The following SASH1 variants were observed in gnomAD, a reference collection of about 807,000 sequenced individuals.
SASH1 encodes the protein SAM and SH3 domain-containing protein 1.
Under a neutral mutation model 125.2 loss-of-function variants are expected in SASH1, and 44 were observed. The ratio of observed to expected loss-of-function variants is 0.35; its 90% CI spans 0.28 to 0.45. The LOEUF is 0.45. Among genes scored for constraint, SASH1 ranks in the 20% least tolerant of loss-of-function variants. SASH1 has a pLI of 1.00. For missense variants in SASH1, 1,426 were observed against 1,614.5 expected (o/e 0.88, Z 2.00); for synonymous variants, 639 against 649.1 (o/e 0.98, Z 0.24).
the SASH1 span, among the ~76,000 whole-genome samples, chr6:148,208,031 A>G: frequency 6.6e-6 from 1 of 152,212 alleles, no homozygotes; most frequent in African/African-American, 2.4e-5. Context: ...TTTGTGGAGC[A>G]CACACGTGGA....
chr6:148,448,115 A>AGAGT (rs374141600), intron 4 of SASH1, among the ~76,000 whole-genome samples: 95 of 146,918 alleles, frequency 6.5e-4, no homozygotes, highest in African/African-American at 2.2e-3. Context: ...CAGTGGAGAG[A>AGAGT]GTGTGTGTGT....
chr6:148,334,644 T>A (rs1315461424), intron 1 of SASH1, among the ~76,000 whole-genome samples: 1 of 151,250 alleles, frequency 6.6e-6, no homozygotes, highest in Non-Finnish European at 1.5e-5. Context: ...AAACCCCATC[T>A]CTACTAAAAA....
At chr6:148,528,301 A>G (rs1276982683) in intron 12 of SASH1, among the ~76,000 whole-genome samples, 2 of 152,158 alleles carry the variant, frequency 1.3e-5, no homozygotes, top group African/African-American at 4.8e-5. Flanking sequence ...TCAATTTTCA[A>G]GACACTCTCC....
At chr6:148,444,007 C>G (rs1776670451) in intron 4 of SASH1, among the ~76,000 whole-genome samples, 1 of 152,164 alleles carries the variant, frequency 6.6e-6, no homozygotes, top group Non-Finnish European at 1.5e-5. Flanking sequence ...GAAGTTTTCT[C>G]TGCTTTTTAT....
intron 1 of SASH1, among the ~76,000 whole-genome samples, chr6:148,388,687 C>T (rs1171107800): frequency 6.6e-6 from 1 of 152,204 alleles, no homozygotes; most frequent in Non-Finnish European, 1.5e-5. Flanking sequence ...TTGCTCTGCC[C>T]CAGGCCTGCT....
intron 2 of SASH1, among the ~76,000 whole-genome samples, chr6:148,430,362 C>T (rs750399190): frequency 6.6e-6 from 1 of 152,198 alleles, no homozygotes; most frequent in East Asian, 1.9e-4. Context: ...GTCAGAGTCT[C>T]GCTCTGTCAC....
At chr6:148,298,137 G>A (rs1779812511) in intron 1 of SASH1, among the ~76,000 whole-genome samples, 1 of 151,572 alleles carries the variant, frequency 6.6e-6, no homozygotes, top group South Asian at 2.1e-4. Context: ...CTCCCTAGTA[G>A]CTGGAATTAC....
intron 1 of SASH1, among the ~76,000 whole-genome samples, chr6:148,300,923 T>C (rs1036989624): frequency 6.6e-6 from 1 of 152,178 alleles, no homozygotes; most frequent in Non-Finnish European, 1.5e-5. Context: ...AACCCTTTTT[T>C]ATTAGTAGTC....
chr6:148,508,600 T>A, intron 8 of SASH1: 1 of 1,142,416 alleles, frequency 8.8e-7, no homozygotes, highest in Non-Finnish European at 1.1e-6. Context: ...TCTTGCGAGT[T>A]ATGCAGTTAG....
intron 1 of SASH1, among the ~76,000 whole-genome samples, chr6:148,314,769 CTTT>C (rs34187478): frequency 0.16 from 20,714 of 132,694 alleles, 1,413 homozygotes; most frequent in Middle Eastern, 0.22. Context: ...GTATAAATGA[CTTT>C]TTTTTTTTTT....
chr6:148,304,445 AGAAAAG>A (rs1780065999), intron 1 of SASH1, among the ~76,000 whole-genome samples: 8 of 114,978 alleles, frequency 7.0e-5, no homozygotes, highest in Non-Finnish European at 1.1e-4. Flanking sequence ...AAAAAAAAAA[AGAAAAG>A]AAAAAAAAAA....
chr6:148,330,468 T>C (rs1225866075), intron 1 of SASH1, among the ~76,000 whole-genome samples: 1 of 152,236 alleles, frequency 6.6e-6, no homozygotes. Flanking sequence ...GAAGACAAGA[T>C]TGATAAATCA....
intron 1 of SASH1, among the ~76,000 whole-genome samples, chr6:148,389,840 C>T (rs974750659): frequency 1.3e-5 from 2 of 152,264 alleles, no homozygotes. Context: ...GGCACCAGAC[C>T]GTCCGAGGTT....
chr6:148,465,039 G>T (rs1198275635), intron 4 of SASH1, among the ~76,000 whole-genome samples: 1 of 152,144 alleles, frequency 6.6e-6, no homozygotes, highest in African/African-American at 2.4e-5. Flanking sequence ...ATTAAAAATA[G>T]TGAAAATATT....
intron 4 of SASH1, among the ~76,000 whole-genome samples, chr6:148,467,689 C>A (rs768257903): frequency 3.9e-5 from 6 of 152,154 alleles, no homozygotes; most frequent in Non-Finnish European, 8.8e-5. Context: ...GTAATCCCAG[C>A]ACTTTGGGGG....
intron 10 of SASH1, 38 bp from the exon 11 acceptor site, chr6:148,525,253 A>ATAAC: frequency 6.4e-7 from 1 of 1,566,644 alleles, no homozygotes; most frequent in Non-Finnish European, 8.8e-7. Context: ...TGGCTTAAGC[A>ATAAC]TAACTGAAGT....
At chr6:148,542,433 C>G (rs539489549) in intron 17 of SASH1, among the ~76,000 whole-genome samples, 10 of 152,250 alleles carry the variant, frequency 6.6e-5, no homozygotes, top group African/African-American at 1.7e-4. Flanking sequence ...GTCGCCCAGG[C>G]TGGAGTGCAG....
At chr6:148,443,804 A>G in intron 4 of SASH1, among the ~76,000 whole-genome samples, 1 of 152,206 alleles carries the variant, frequency 6.6e-6, no homozygotes, top group Admixed American at 6.5e-5. Context: ...AATAATTTAT[A>G]CATTGTATTT....
chr6:148,223,578 G>T, the SASH1 span, among the ~76,000 whole-genome samples: 1 of 152,156 alleles, frequency 6.6e-6, no homozygotes, highest in Non-Finnish European at 1.5e-5. Flanking sequence ...GTTCGCTCAT[G>T]TAACCCACCC....
Sources: gnomAD v4.1 joint callset for allele counts (sites outside exome capture counted in the v4.1 genomes callset) on GRCh38, gnomAD v4.1.1 for gene constraint, MANE v1.5 for transcripts, NCBI Gene and HGNC (gene_info 2026-07-23, HGNC 2026-07-21) for gene names.